DGKE: variants seen among roughly 807,000 people sequenced by gnomAD.
The protein encoded by DGKE is diacylglycerol kinase epsilon, also known as DAG kinase epsilon.
In DGKE, 53 loss-of-function variants were observed where a neutral mutation model predicts 70.0. The observed-to-expected ratio is 0.76, with a 90% CI of 0.61 to 0.95. The LOEUF is 0.95. Among genes scored for constraint, DGKE ranks in the 40% least tolerant of loss-of-function variants. The pLI, the probability that DGKE is intolerant of heterozygous loss-of-function variation, is 0.00. For synonymous variants in DGKE, 291 were observed against 257.0 expected (o/e 1.13, Z -1.27); for missense variants, 655 against 706.9 (o/e 0.93, Z 0.83).
In DGKE at chr17:56,862,891, T is replaced by G. The variant is rs1908379986; in HGVS notation, c.*100T>G. 1.9e-6 allele frequency: 2 copies of G among 1,038,404 alleles called. No homozygotes were observed. The highest frequency in any genetic ancestry group is 7.5e-5 in the Admixed American group (2 of 26,694). The allele number at this position is 1,038,404 out of a possible 1,614,324, so 64.3% of individuals were successfully genotyped here. A position where few individuals can be genotyped will look rare whatever the true frequency, so the allele number is the denominator to read the frequency against. On this transcript the variant is annotated 3_prime_UTR_variant, in exon 12 of 12. Coordinates refer to ENST00000284061, the MANE Select transcript of DGKE (RefSeq NM_003647.3). ...AAATTCTCTATCAGCTATTCAGTCT[T>G]AATTTCACTAGTAGTATAATGGGTA...
intron 2 of DGKE, among the ~76,000 whole-genome samples, chr17:56,842,499 C>A (rs1389992793): frequency 1.3e-5 from 2 of 152,132 alleles, no homozygotes; most frequent in Admixed American, 1.3e-4. Flanking sequence ...AGATATTATA[C>A]TTCAGCCACA....
Position 56,845,721 on chromosome 17 carries a change from C to T in DGKE, c.656C>T (p.Pro219Leu). The change falls in exon 4 of 12, where the codon CCA becomes CTA. Residue 219 changes from proline (P) to leucine (L), a missense_variant. Physicochemically the swap from Pro to Leu is moderately conservative, Grantham distance 98. Transcript: ENST00000284061. ...TCTAAGCTTGGAAAGCAGTGGACCC[C>T]ATTAATAATCCTGGCCAACTCTCGT... is the stretch of plus-strand genomic sequence containing the variant. ...LASKLGKQWT[P>L]LIILANSRSG... 6.2e-7 allele frequency: 1 copy of T among 1,612,064 alleles called. No individual in the cohort carries two copies. The highest frequency in any genetic ancestry group is 8.5e-7 in the Non-Finnish European group (1 of 1,178,936).
intron 7 of DGKE, among the ~76,000 whole-genome samples, chr17:56,852,345 A>T (rs902956070): frequency 1.3e-5 from 2 of 151,696 alleles, no homozygotes; most frequent in Admixed American, 6.6e-5. Context: ...CCCGAGAGGC[A>T]GAGGGTGCAG....
Position 56,834,804 on chromosome 17 carries a change from G to A in DGKE, c.9G>A (p.Ala3=), listed in dbSNP as rs1303736773. 1 of 1,601,768 alleles carries A rather than the reference G, an allele frequency of 6.2e-7. No homozygotes were observed. Among genetic ancestry groups the A allele is most frequent in the Admixed American group, 1.7e-5 (1 of 59,584 alleles). Residue 3 remains alanine (A), a synonymous_variant, in exon 2 of 12, where the codon GCG becomes GCA. Coordinates refer to ENST00000284061, the MANE Select transcript of DGKE (RefSeq NM_003647.3). ...TATCGTCCTTGGAGAAGATGGAAGC[G>A]GAGAGGCGGCCGGCGCCGGGCTCGC... The part of the protein sequence containing the change: ME[A]ERRPAPGSPS...
At chr17:56,837,506 T>C (rs2074662979) in intron 2 of DGKE, among the ~76,000 whole-genome samples, 1 of 152,226 alleles carries the variant, frequency 6.6e-6, no homozygotes, top group South Asian at 2.1e-4. Context: ...TTAGGAGATG[T>C]TTATTATTCC....
chr17:56,856,780 T>C (rs1907975680), intron 8 of DGKE, 155 bp downstream of exon 8: 1 of 576,388 alleles, frequency 1.7e-6, no homozygotes, highest in Non-Finnish European at 2.2e-6. Flanking sequence ...TTAGATCTTT[T>C]TTTTTTTTAA....
At chr17:56,857,183 A>G (rs1908002586) in intron 8 of DGKE, among the ~76,000 whole-genome samples, 1 of 152,348 alleles carries the variant, frequency 6.6e-6, no homozygotes, top group South Asian at 2.1e-4. Flanking sequence ...TTTATAGGAT[A>G]TTTTGCTTAG....
At position 56,845,443 on chromosome 17, in the gene DGKE, G is replaced by C. The variant is rs2049062; in HGVS notation, c.625-247G>C. Among the ~76,000 whole-genome samples, 107,589 of 151,962 alleles carry C rather than the reference G, an allele frequency of 0.71. 38,508 individuals are homozygous for C. Among genetic ancestry groups the C allele is most frequent in the East Asian group, 0.91 (4,712 of 5,178 alleles). ...ACTAGTGAGTTCCTTATGTGAGTGT[G>C]CGAGCATATGCTGGATGACTTATCT... is the stretch of plus-strand genomic sequence containing the variant. On this transcript the variant is annotated intron_variant, in intron 3 of 11. Transcript: ENST00000284061.
At chr17:56,850,396 G>A (rs1174681666) in intron 7 of DGKE, among the ~76,000 whole-genome samples, 2 of 152,158 alleles carry the variant, frequency 1.3e-5, no homozygotes, top group Non-Finnish European at 2.9e-5. Flanking sequence ...GCCTTCCAAA[G>A]TGTTGGGATT....
Position 56,845,739 on chromosome 17 carries a change from A to C in DGKE, c.674A>C (p.Asn225Thr). Reference protein sequence around the residue: ...KQWTPLIILANSRSGTNMGEG... With the variant: ...KQWTPLIILATSRSGTNMGEG... Reference sequence around the variant, plus strand: ...TGGACCCCATTAATAATCCTGGCCAACTCTCGTAGTGGAACTAATATGGGA... The same window carrying C: ...TGGACCCCATTAATAATCCTGGCCACCTCTCGTAGTGGAACTAATATGGGA... Residue 225 changes from asparagine (N) to threonine (T), a missense_variant, in exon 4 of 12, where the codon AAC becomes ACC. Asn to Thr is a moderately conservative substitution (Grantham distance 65, BLOSUM62 0). Transcript: ENST00000284061. The C allele has an allele frequency of 6.2e-7, 1 of 1,612,418 alleles. No individual in the cohort carries two copies. Among genetic ancestry groups the C allele is most frequent in the South Asian group, 1.1e-5 (1 of 90,918 alleles).
intron 2 of DGKE, among the ~76,000 whole-genome samples, chr17:56,841,951 C>T (rs904065722): frequency 1.3e-5 from 2 of 152,060 alleles, no homozygotes; most frequent in Admixed American, 6.6e-5. Flanking sequence ...CACGTTACCA[C>T]GCCAAGCTAA....
At chr17:56,841,542 A>G (rs1462880379) in intron 2 of DGKE, among the ~76,000 whole-genome samples, 1 of 152,208 alleles carries the variant, frequency 6.6e-6, no homozygotes, top group Non-Finnish European at 1.5e-5. Context: ...CCAGATTAAA[A>G]CAATAGGATA....
intron 3 of DGKE, 35 bp from the exon 4 acceptor site, chr17:56,845,655 T>TG (rs1907235310): frequency 1.9e-6 from 3 of 1,589,874 alleles, no homozygotes; most frequent in Admixed American, 3.6e-5. Context: ...ATCTTTAAGA[T>TG]ACTAAACCTT....
In DGKE at chr17:56,845,644, C is replaced by T. The variant is rs199679474; in HGVS notation, c.625-46C>T. ...CTCAAGGCATGGAAAATGTGCTTTTCATCTTTAAGATACTAAACCTTTTCA... is the reference window on the plus strand; with the variant it reads ...CTCAAGGCATGGAAAATGTGCTTTTTATCTTTAAGATACTAAACCTTTTCA... On this transcript the variant is annotated intron_variant, in intron 3 of 11. Transcript: ENST00000284061. The T allele has an allele frequency of 1.0e-4, 160 of 1,554,230 alleles. No homozygotes were observed. The East Asian group carries it at 3.5e-3, about 34-fold the overall frequency.
Position 56,844,170 on chromosome 17 carries a change from T to G in DGKE, c.616T>G (p.Tyr206Asp). 6.6e-7 allele frequency: 1 copy of G among 1,516,930 alleles called. No homozygotes were observed. The highest frequency in any genetic ancestry group is 8.8e-7 in the Non-Finnish European group (1 of 1,131,968). The allele number at this position is 1,516,930 out of a possible 1,614,324, so 94.0% of individuals were successfully genotyped here. The change falls in exon 3 of 12, where the codon TAT (tyrosine) becomes GAT (aspartate). Residue 206 changes from tyrosine (Y) to aspartate (D), a missense_variant. Transcript: ENST00000284061. ...GATGCGTAAAGACAAAAAAACAGAT[T>G]ATGAAGTGGTAATTAGAGTTTATTT... Reference protein sequence around the residue: ...NQMRKDKKTDYEVLASKLGKQ... With the variant: ...NQMRKDKKTDDEVLASKLGKQ...
Position 56,848,119 on chromosome 17 carries a change from C to CATAT in DGKE, c.888+67_888+70dup, listed in dbSNP as rs56356802. 237,712 of 693,618 alleles carry CATAT rather than the reference C, an allele frequency of 0.34. 27,773 individuals are homozygous for CATAT. The highest frequency in any genetic ancestry group is 0.61 in the East Asian group (9,404 of 15,412). 43.0% of individuals were successfully genotyped at this position (693,618 alleles called of 1,614,324 possible). ...GGACTTCTAAGATAAATATACTATA[C>CATAT]ATATATATATATATATGGGTTTTGT... On this transcript the variant is annotated intron_variant, in intron 5 of 11. Coordinates refer to ENST00000284061, the MANE Select transcript of DGKE (RefSeq NM_003647.3).
At chr17:56,840,792 G>C (rs368883977) in intron 2 of DGKE, among the ~76,000 whole-genome samples, 5 of 152,068 alleles carry the variant, frequency 3.3e-5, no homozygotes, top group Admixed American at 6.6e-5. Context: ...GAACTGGGAG[G>C]GGGGGGAATA....
At chr17:56,861,121 A>G (rs1436715355) in intron 9 of DGKE, among the ~76,000 whole-genome samples, 1 of 152,222 alleles carries the variant, frequency 6.6e-6, no homozygotes, top group African/African-American at 2.4e-5. Flanking sequence ...AATAGCATCA[A>G]CAGTTTTTAG....
At chr17:56,849,570 C>G (rs1413195457) in intron 7 of DGKE, among the ~76,000 whole-genome samples, 1 of 152,054 alleles carries the variant, frequency 6.6e-6, no homozygotes, top group African/African-American at 2.4e-5. Context: ...GAGAGTAGAT[C>G]TGTATTTTTA....
Sources: gnomAD v4.1 joint callset for allele counts (sites outside exome capture counted in the v4.1 genomes callset) on GRCh38, gnomAD v4.1.1 for gene constraint, MANE v1.5 for transcripts, NCBI Gene and HGNC (gene_info 2026-07-23, HGNC 2026-07-21) for gene names.